Variants in ST6GALNAC3 observed in about 807,000 individuals in gnomAD.
The protein encoded by ST6GALNAC3 is ST6 N-acetylgalactosaminide alpha-2,6-sialyltransferase 3.
ST6GALNAC3 carries 25 observed loss-of-function variants against 32.7 expected under a neutral mutation model. That is an observed-to-expected ratio of 0.76 (90% CI 0.56 to 1.07). ST6GALNAC3 has a LOEUF of 1.07. Among genes scored for constraint, ST6GALNAC3 ranks in the 50% least tolerant of loss-of-function variants. The pLI is 0.00. For synonymous variants in ST6GALNAC3, 129 were observed against 133.1 expected (o/e 0.97, Z 0.21); for missense variants, 355 against 382.4 (o/e 0.93, Z 0.60).
rs572235636 is a variant in ST6GALNAC3 at position 76,486,416 on chromosome 1, G to A, written c.623+73999G>A. Among the ~76,000 whole-genome samples the A allele has an allele frequency of 5.1e-4, 78 of 152,166 alleles. No homozygotes were observed. In the East Asian group the frequency reaches 0.014, roughly 28 times the overall value. On this transcript the variant is annotated intron_variant, in intron 3 of 4. Transcript: ENST00000328299. ...TATGAATCTGGGTGCTCCTGTATTG[G>A]GTGCATATATATTTAGGATAGTTAG...
At chr1:76,587,368 C>T (rs1646977415) in intron 3 of ST6GALNAC3, among the ~76,000 whole-genome samples, 2 of 152,138 alleles carry the variant, frequency 1.3e-5, no homozygotes, top group African/African-American at 4.8e-5. Context: ...GACATTACTG[C>T]TCGATCAGTT....
chr1:76,136,017 G>A (rs1452272741), intron 1 of ST6GALNAC3, among the ~76,000 whole-genome samples: 1 of 152,150 alleles, frequency 6.6e-6, no homozygotes, highest in East Asian at 1.9e-4. Flanking sequence ...GGTCTTTGGT[G>A]CTTGCTCATG....
At chr1:76,397,954 TTC>T (rs1393692057) in intron 2 of ST6GALNAC3, among the ~76,000 whole-genome samples, 1 of 152,200 alleles carries the variant, frequency 6.6e-6, no homozygotes, top group Non-Finnish European at 1.5e-5. Context: ...ATGATTTTTT[TTC>T]TTCTCTATTT....
intron 1 of ST6GALNAC3, among the ~76,000 whole-genome samples, chr1:76,278,667 T>C (rs1331587258): frequency 6.6e-6 from 1 of 151,882 alleles, no homozygotes; most frequent in Non-Finnish European, 1.5e-5. Flanking sequence ...AAACAGAAAA[T>C]GTTGCAATTT....
intron 1 of ST6GALNAC3, among the ~76,000 whole-genome samples, chr1:76,243,185 T>G (rs898988001): frequency 5.3e-5 from 8 of 152,234 alleles, no homozygotes; most frequent in Non-Finnish European, 5.9e-5. Context: ...TGGTTTTGAT[T>G]TGCATTTCTC....
intron 2 of ST6GALNAC3, among the ~76,000 whole-genome samples, chr1:76,368,760 T>A (rs1650585008): frequency 6.6e-6 from 1 of 152,234 alleles, no homozygotes; most frequent in Non-Finnish European, 1.5e-5. Flanking sequence ...ATGAGCCATG[T>A]CACCATGTTA....
intron 1 of ST6GALNAC3, among the ~76,000 whole-genome samples, chr1:76,184,521 A>G (rs76342991): frequency 0.26 from 25,220 of 96,878 alleles, 2,300 homozygotes; most frequent in Non-Finnish European, 0.3. Flanking sequence ...CCTGGGCAGC[A>G]CACACACACA....
chr1:76,263,027 T>A (rs2100733624), intron 1 of ST6GALNAC3, among the ~76,000 whole-genome samples: 1 of 152,280 alleles, frequency 6.6e-6, no homozygotes, highest in African/African-American at 2.4e-5. Flanking sequence ...AGGAACAGCT[T>A]CTTAGCTGAG....
chr1:76,202,639 C>T (rs1240476756), intron 1 of ST6GALNAC3, among the ~76,000 whole-genome samples: 1 of 152,106 alleles, frequency 6.6e-6, no homozygotes, highest in Non-Finnish European at 1.5e-5. Context: ...TGTTTGCAGT[C>T]AGAGTACCTA....
At chr1:76,515,500 G>C (rs893405399) in intron 3 of ST6GALNAC3, among the ~76,000 whole-genome samples, 2 of 151,884 alleles carry the variant, frequency 1.3e-5, no homozygotes. Flanking sequence ...GAGGTGTTTG[G>C]TTAAGTTATT....
intron 3 of ST6GALNAC3, among the ~76,000 whole-genome samples, chr1:76,546,519 C>T (rs1557555375): frequency 6.6e-6 from 1 of 152,130 alleles, no homozygotes; most frequent in Non-Finnish European, 1.5e-5. Flanking sequence ...TTGAGCAGCT[C>T]GGGCAACAGA....
At chr1:76,465,668 G>C (rs1658572895) in intron 3 of ST6GALNAC3, among the ~76,000 whole-genome samples, 1 of 151,992 alleles carries the variant, frequency 6.6e-6, no homozygotes, top group South Asian at 2.1e-4. Context: ...ACAGCTGAAG[G>C]GTTGCAAACT....
intron 1 of ST6GALNAC3, among the ~76,000 whole-genome samples, chr1:76,297,493 G>T (rs6700436): frequency 0.64 from 97,588 of 151,712 alleles, 32,431 homozygotes; most frequent in African/African-American, 0.82. Flanking sequence ...TTAGGATATA[G>T]AAGGACACAT....
intron 1 of ST6GALNAC3, among the ~76,000 whole-genome samples, chr1:76,098,641 G>A (rs958179564): frequency 1.7e-4 from 26 of 151,982 alleles, no homozygotes; most frequent in African/African-American, 6.0e-4. Flanking sequence ...TTTTAGGGGG[G>A]TAGGAGTGTT....
At chr1:76,261,994 G>A (rs1046556271) in intron 1 of ST6GALNAC3, among the ~76,000 whole-genome samples, 5 of 152,160 alleles carry the variant, frequency 3.3e-5, no homozygotes, top group Non-Finnish European at 7.4e-5. Flanking sequence ...AGAAGACTGA[G>A]ATGAAACTTA....
Position 76,106,225 on chromosome 1 carries a change from CT to C in ST6GALNAC3, c.18+31345del, listed in dbSNP as rs374043409. 3.0e-3 allele frequency among the ~76,000 whole-genome samples: 451 copies of C among 152,146 alleles called. 3 individuals are homozygous for C. The highest frequency in any genetic ancestry group is 0.01 in the African/African-American group (426 of 41,496). On this transcript the variant is annotated intron_variant, in intron 1 of 4. Coordinates refer to ENST00000328299, the MANE Select transcript of ST6GALNAC3 (RefSeq NM_152996.4). Reference sequence around the variant, plus strand: ...AATGAAATCCAATGGGAAATTTTTTCTTTTAATTAGTTGATTTATTTGTAAG... The same window carrying C: ...AATGAAATCCAATGGGAAATTTTTTCTTTAATTAGTTGATTTATTTGTAAG...
At chr1:76,458,849 C>T (rs930379422) in intron 3 of ST6GALNAC3, among the ~76,000 whole-genome samples, 5 of 150,156 alleles carry the variant, frequency 3.3e-5, no homozygotes, top group Admixed American at 6.6e-5. Flanking sequence ...CTAACCTGCA[C>T]ATTGTGCACA....
intron 2 of ST6GALNAC3, among the ~76,000 whole-genome samples, chr1:76,346,338 G>A (rs779847476): frequency 2.6e-4 from 40 of 152,106 alleles, no homozygotes; most frequent in Non-Finnish European, 5.1e-4. Context: ...CCATGTCCAA[G>A]GCCCATGCTT....
intron 2 of ST6GALNAC3, among the ~76,000 whole-genome samples, chr1:76,324,328 A>G (rs1204943886): frequency 2.0e-5 from 3 of 152,220 alleles, no homozygotes; most frequent in African/African-American, 7.2e-5. Context: ...CCTTAATAGG[A>G]CTACAATATG....
Sources: gnomAD v4.1 joint callset for allele counts (sites outside exome capture counted in the v4.1 genomes callset) on GRCh38, gnomAD v4.1.1 for gene constraint, MANE v1.5 for transcripts, NCBI Gene and HGNC (gene_info 2026-07-23, HGNC 2026-07-21) for gene names.